MACROD2: variants seen among roughly 807,000 people sequenced by gnomAD.
MACROD2 encodes mono-ADP ribosylhydrolase 2, also known as ADP-ribose glycohydrolase MACROD2.
In MACROD2, 36 loss-of-function variants were observed where a neutral mutation model predicts 70.4. The ratio of observed to expected loss-of-function variants is 0.51; its 90% confidence interval spans 0.39 to 0.68. The LOEUF is 0.68. Ranked by LOEUF, MACROD2 falls within the 30% of genes least tolerant of loss-of-function variation. MACROD2 has a pLI of 0.00. For synonymous variants in MACROD2, 172 were observed against 178.8 expected, an observed-to-expected ratio of 0.96 and a Z score of 0.30; for missense variants, 496 against 538.4, an observed-to-expected ratio of 0.92 and a Z score of 0.78.
intron 10 of MACROD2, among the ~76,000 whole-genome samples, chr20:15,907,371 C>G (rs1222784322): frequency 6.6e-6 from 1 of 152,162 alleles, no homozygotes; most frequent in Non-Finnish European, 1.5e-5. Flanking sequence ...ATAGCTGTGG[C>G]CAAGAGATCA....
intron 5 of MACROD2, among the ~76,000 whole-genome samples, chr20:14,998,866 A>G (rs897062766): frequency 1.3e-5 from 2 of 152,212 alleles, no homozygotes; most frequent in Non-Finnish European, 2.9e-5. Flanking sequence ...GGTTAAAGAA[A>G]GGGTTCTAAA....
intron 6 of MACROD2, among the ~76,000 whole-genome samples, chr20:15,335,433 G>T (rs993390707): frequency 1.3e-5 from 2 of 151,122 alleles, no homozygotes; most frequent in Admixed American, 6.6e-5. Context: ...CTTTATGTCT[G>T]TTAAAATACC....
intron 8 of MACROD2, among the ~76,000 whole-genome samples, chr20:15,807,691 A>C (rs1223499203): frequency 6.6e-6 from 1 of 152,238 alleles, no homozygotes; most frequent in African/African-American, 2.4e-5. Context: ...AGTTAAATAA[A>C]TATAAAATTA....
rs561558938 is a variant in MACROD2 at position 14,301,636 on chromosome 20, T to C, written c.272-191843T>C. 9.8e-5 allele frequency among the ~76,000 whole-genome samples: 15 copies of C among 152,330 alleles called. No homozygotes were observed. In the East Asian group the frequency reaches 2.1e-3, roughly 22 times the overall value. ...TTCCTTGATCAAATAATGACCTTCGTGTCTATTGATTCTCACTTTTCTTTT... is the reference window on the plus strand; with the variant it reads ...TTCCTTGATCAAATAATGACCTTCGCGTCTATTGATTCTCACTTTTCTTTT... On this transcript the variant is annotated intron_variant, in intron 3 of 17. Transcript: ENST00000684519.
At chr20:15,299,264 G>C (rs1315368600) in intron 6 of MACROD2, among the ~76,000 whole-genome samples, 1 of 152,120 alleles carries the variant, frequency 6.6e-6, no homozygotes, top group African/African-American at 2.4e-5. Context: ...TATCTTAAGA[G>C]TCATTGTCTA....
chr20:15,097,506 T>G (rs2123184435), intron 5 of MACROD2, among the ~76,000 whole-genome samples: 1 of 152,298 alleles, frequency 6.6e-6, no homozygotes, highest in African/African-American at 2.4e-5. Context: ...AATCAATTAT[T>G]TTTCAATATA....
rs753243129 is a variant in MACROD2, at chr20:15,089,560, G to A, written c.419-140380G>A. ...CTTGGAATAAGCTATAATCTCTCAC[G>A]TATAGCATAATGTATTTTATGCCCA... On this transcript the variant is annotated intron_variant, in intron 5 of 17. Coordinates refer to ENST00000684519, the MANE Select transcript of MACROD2 (RefSeq NM_001351661.2). 5.9e-5 allele frequency among the ~76,000 whole-genome samples: 9 copies of A among 151,964 alleles called. No individual in the cohort carries two copies. In the East Asian group the frequency reaches 7.7e-4, roughly 13 times the overall value.
intron 8 of MACROD2, among the ~76,000 whole-genome samples, chr20:15,830,617 G>A (rs958137026): frequency 2.0e-5 from 3 of 152,192 alleles, no homozygotes; most frequent in Non-Finnish European, 2.9e-5. Flanking sequence ...ACATTGACCT[G>A]GGAGAATCCC....
chr20:14,094,272 G>A (rs1223251701), intron 3 of MACROD2, among the ~76,000 whole-genome samples: 1 of 152,126 alleles, frequency 6.6e-6, no homozygotes, highest in Non-Finnish European at 1.5e-5. Flanking sequence ...ATTATGATTT[G>A]AATGCAGTTT....
chr20:14,370,292 A>G lies in MACROD2; in HGVS notation c.272-123187A>G, dbSNP rs565388377. Among the ~76,000 whole-genome samples the G allele has an allele frequency of 4.6e-5, 7 of 152,302 alleles. No individual in the cohort carries two copies. The East Asian group carries it at 1.3e-3, about 29-fold the overall frequency. On this transcript the variant is annotated intron_variant, in intron 3 of 17. Coordinates refer to ENST00000684519, the MANE Select transcript of MACROD2 (RefSeq NM_001351661.2). ...GGAAGAAAAAAGCATGTTCTCATTA[A>G]TAAATATAAAAAAGCATTTAAGTTA... is the stretch of plus-strand genomic sequence containing the variant.
chr20:15,635,787 G>A (rs1311852518), intron 8 of MACROD2, among the ~76,000 whole-genome samples: 2 of 151,572 alleles, frequency 1.3e-5, no homozygotes, highest in African/African-American at 4.8e-5. Context: ...CCCAAGGGCA[G>A]CTGGGCACGG....
chr20:15,924,479 C>T (rs2065458788), intron 10 of MACROD2, among the ~76,000 whole-genome samples: 1 of 152,200 alleles, frequency 6.6e-6, no homozygotes, highest in African/African-American at 2.4e-5. Context: ...AACATTTATT[C>T]ATATCTACAT....
chr20:14,966,014 A>AT (rs2074633386), intron 5 of MACROD2, among the ~76,000 whole-genome samples: 1 of 151,860 alleles, frequency 6.6e-6, no homozygotes, highest in Non-Finnish European at 1.5e-5. Context: ...AAATATTTAC[A>AT]TTTTTCATTC....
rs1423081468 is a variant in MACROD2, at chr20:14,325,370, C to T, written c.272-168109C>T. 6 of 522,940 alleles carry T rather than the reference C, an allele frequency of 1.1e-5. No individual in the cohort carries two copies. The African/African-American group carries it at 1.2e-4, about 10-fold the overall frequency. The allele number at this position is 522,940 out of a possible 1,614,324, so 32.4% of individuals were successfully genotyped here. A position where few individuals can be genotyped will look rare whatever the true frequency, so the allele number is the denominator to read the frequency against. The stretch of plus-strand genomic sequence containing the variant: ...TCAGGCATCTCCACTACATCAATCG[C>T]AGCAGTAACCTGAAATTTGAAACTT... On this transcript the variant is annotated intron_variant, in intron 3 of 17. Transcript: ENST00000684519.
intron 5 of MACROD2, among the ~76,000 whole-genome samples, chr20:14,931,164 C>T (rs1333265390): frequency 4.6e-5 from 7 of 152,094 alleles, no homozygotes; most frequent in African/African-American, 1.7e-4. Context: ...CATATAGACA[C>T]TGTCATGCCA....
At position 15,615,929 on chromosome 20, in the gene MACROD2, G is replaced by A. The variant is rs1329981654; in HGVS notation, c.645+116082G>A. The stretch of plus-strand genomic sequence containing the variant: ...AGAGAGACTGTATTAAACCAGGAGT[G>A]ACTGAAAACAAATTTGGTTACTAAA... On this transcript the variant is annotated intron_variant, in intron 8 of 17. Coordinates refer to ENST00000684519, the MANE Select transcript of MACROD2 (RefSeq NM_001351661.2). Among the ~76,000 whole-genome samples, 3 of 152,130 alleles carry A rather than the reference G, an allele frequency of 2.0e-5. No individual in the cohort carries two copies. The East Asian group carries it at 5.8e-4, about 29-fold the overall frequency.
intron 3 of MACROD2, among the ~76,000 whole-genome samples, chr20:14,234,013 C>T (rs2081845874): frequency 3.3e-5 from 5 of 152,098 alleles, no homozygotes. Flanking sequence ...ACCCGCAGAG[C>T]TGTACAAGAA....
Position 14,965,601 on chromosome 20 carries a change from T to C in MACROD2, c.419-264339T>C, listed in dbSNP as rs1001596081. Among the ~76,000 whole-genome samples the C allele has an allele frequency of 5.8e-4, 87 of 150,010 alleles. 1 individual carries two copies. Among genetic ancestry groups the C allele is most frequent in the African/African-American group, 2.0e-3 (83 of 41,168 alleles). On this transcript the variant is annotated intron_variant, in intron 5 of 17. Coordinates refer to ENST00000684519, the MANE Select transcript of MACROD2 (RefSeq NM_001351661.2). Reference sequence around the variant, plus strand: ...TCAGCCTCCCTAGTAACTGGGGCTATAGGCGCCCGCCACTATGCCCAGCTA... The same window carrying C: ...TCAGCCTCCCTAGTAACTGGGGCTACAGGCGCCCGCCACTATGCCCAGCTA...
intron 3 of MACROD2, among the ~76,000 whole-genome samples, chr20:14,270,928 G>A (rs1225939828): frequency 2.0e-5 from 3 of 152,230 alleles, no homozygotes; most frequent in East Asian, 3.9e-4. Flanking sequence ...AGGCCGCAGC[G>A]AGGCTGGGGG....
Sources: allele counts gnomAD v4.1 joint callset (sites outside exome capture counted in the v4.1 genomes callset), GRCh38; gene constraint gnomAD v4.1.1; transcripts MANE v1.5; gene names NCBI Gene and HGNC (gene_info 2026-07-23, HGNC 2026-07-21).